CAMK2D: variants seen among roughly 807,000 people sequenced by gnomAD.
CAMK2D encodes the protein calcium/calmodulin dependent protein kinase II delta.
In CAMK2D, 37 loss-of-function variants were observed where a neutral mutation model predicts 84.0. That is an observed-to-expected ratio of 0.44 (90% CI 0.34 to 0.58). The LOEUF (loss-of-function observed/expected upper bound fraction) is 0.58. Ranked by LOEUF, CAMK2D falls within the 20% of genes least tolerant of loss-of-function variation. The pLI is 0.02. For synonymous variants in CAMK2D, 202 were observed against 212.5 expected, an observed-to-expected ratio of 0.95 and a Z score of 0.43; for missense variants, 448 against 652.5, an observed-to-expected ratio of 0.69 and a Z score of 3.41.
chr4:113,484,542 A>T (rs959423837), intron 16 of CAMK2D, among the ~76,000 whole-genome samples: 1 of 152,190 alleles, frequency 6.6e-6, no homozygotes, highest in Non-Finnish European at 1.5e-5. Context: ...GATTTTTTAA[A>T]AAAGCCCTAA....
chr4:113,506,457 T>C (rs1288408220), intron 13 of CAMK2D, among the ~76,000 whole-genome samples: 1 of 152,198 alleles, frequency 6.6e-6, no homozygotes, highest in African/African-American at 2.4e-5. Flanking sequence ...AAAACCTTTT[T>C]TTTCCTTTAA....
intron 2 of CAMK2D, among the ~76,000 whole-genome samples, chr4:113,701,858 C>T (rs768653856): frequency 1.1e-4 from 17 of 152,182 alleles, no homozygotes; most frequent in East Asian, 1.9e-4. Flanking sequence ...CACAGGCATG[C>T]GCCATGATGC....
intron 4 of CAMK2D, among the ~76,000 whole-genome samples, chr4:113,554,258 G>C (rs1446267079): frequency 1.3e-5 from 2 of 152,008 alleles, no homozygotes; most frequent in Non-Finnish European, 2.9e-5. Flanking sequence ...AACCCAGTTA[G>C]AGAATCATGC....
intron 2 of CAMK2D, among the ~76,000 whole-genome samples, chr4:113,725,979 A>G (rs1425528407): frequency 6.6e-6 from 1 of 152,216 alleles, no homozygotes; most frequent in Non-Finnish European, 1.5e-5. Context: ...ATGGTCAACA[A>G]CAGCATTCTA....
intron 8 of CAMK2D, among the ~76,000 whole-genome samples, chr4:113,520,586 A>G (rs1419023130): frequency 1.3e-5 from 2 of 152,090 alleles, no homozygotes; most frequent in South Asian, 2.1e-4. Context: ...CCATATACCT[A>G]AAGTACTAAA....
chr4:113,748,571 A>G (rs1010057738), intron 2 of CAMK2D, among the ~76,000 whole-genome samples: 1 of 152,152 alleles, frequency 6.6e-6, no homozygotes, highest in African/African-American at 2.4e-5. Flanking sequence ...AATACTAGGA[A>G]TACCAAAATA....
At chr4:113,535,334 C>T (rs535377717) in intron 7 of CAMK2D, among the ~76,000 whole-genome samples, 1 of 152,232 alleles carries the variant, frequency 6.6e-6, no homozygotes, top group Admixed American at 6.5e-5. Context: ...TTATTTGGAA[C>T]TTGCTTGCTC....
intron 2 of CAMK2D, among the ~76,000 whole-genome samples, chr4:113,691,321 C>T (rs983854279): frequency 1.3e-5 from 2 of 152,194 alleles, no homozygotes; most frequent in East Asian, 3.8e-4. Context: ...CTTTAGATTA[C>T]AGCTATCTGT....
At chr4:113,519,648 A>G (rs764121056) in intron 8 of CAMK2D, among the ~76,000 whole-genome samples, 6 of 152,098 alleles carry the variant, frequency 3.9e-5, no homozygotes, top group Admixed American at 6.6e-5. Context: ...AACCTTTCTG[A>G]GTTATGCTAT....
chr4:113,518,061 C>G (rs1417913618), intron 8 of CAMK2D, among the ~76,000 whole-genome samples: 1 of 152,178 alleles, frequency 6.6e-6, no homozygotes, highest in African/African-American at 2.4e-5. Flanking sequence ...TTTCCTCATA[C>G]TTGTTTTGAT....
chr4:113,726,985 G>T lies in CAMK2D; in HGVS notation c.160+32335C>A, dbSNP rs532305094. ...CCAAACGCATATTTTCTTAGAATTG[G>T]TGTTTAAATAGACTTTAAAAGAGAG... On this transcript the variant is annotated intron_variant, in intron 2 of 20. Coordinates refer to ENST00000511664, the MANE Select transcript of CAMK2D (RefSeq NM_001321571.2). 6.6e-5 allele frequency among the ~76,000 whole-genome samples: 10 copies of T among 152,288 alleles called. 2 individuals carry two copies. Among genetic ancestry groups the T allele is most frequent in the African/African-American group, 2.4e-4 (10 of 41,554 alleles).
intron 4 of CAMK2D, among the ~76,000 whole-genome samples, chr4:113,555,832 G>C (rs1319916105): frequency 6.6e-6 from 1 of 152,152 alleles, no homozygotes; most frequent in African/African-American, 2.4e-5. Flanking sequence ...GCTGATATTA[G>C]GAGGTGGGGC....
rs188137614 is a variant in CAMK2D at position 113,641,542 on chromosome 4, G to A, written c.220+20171C>T. 1.2e-4 allele frequency among the ~76,000 whole-genome samples: 19 copies of A among 152,266 alleles called. No homozygotes were observed. In the East Asian group the frequency reaches 3.7e-3, roughly 29 times the overall value. On this transcript the variant is annotated intron_variant, in intron 3 of 20. Transcript: ENST00000511664. The stretch of plus-strand genomic sequence containing the variant: ...AGATTTCATTCTCTAGACCTGTTAC[G>A]AAAGTGATAAAGAGGACAGGGAGCC...
intron 3 of CAMK2D, among the ~76,000 whole-genome samples, chr4:113,623,003 T>C (rs2099052680): frequency 6.6e-6 from 1 of 152,116 alleles, no homozygotes; most frequent in South Asian, 2.1e-4. Flanking sequence ...TCCATGAGCA[T>C]AAGGATACGT....
At chr4:113,723,412 C>T (rs79666054) in intron 2 of CAMK2D, among the ~76,000 whole-genome samples, 14,193 of 151,812 alleles carry the variant, frequency 0.093, 1,008 homozygotes, top group African/African-American at 0.2. Flanking sequence ...TTAGTAGATA[C>T]GGGGTTTCAT....
At chr4:113,707,730 G>A (rs1338930596) in intron 2 of CAMK2D, among the ~76,000 whole-genome samples, 1 of 152,188 alleles carries the variant, frequency 6.6e-6, no homozygotes, top group East Asian at 1.9e-4. Flanking sequence ...GGGGGCAATA[G>A]AACGAAAATT....
chr4:113,653,602 T>C (rs2099185587), intron 3 of CAMK2D, among the ~76,000 whole-genome samples: 1 of 152,070 alleles, frequency 6.6e-6, no homozygotes, highest in Non-Finnish European at 1.5e-5. Context: ...AAAAGACTTT[T>C]AATTGTCATT....
chr4:113,545,286 C>A (rs1255402742), intron 6 of CAMK2D, among the ~76,000 whole-genome samples: 4 of 152,104 alleles, frequency 2.6e-5, no homozygotes, highest in Admixed American at 2.6e-4. Context: ...CACTTATATC[C>A]TTATAGGTGC....
At chr4:113,565,511 C>T (rs762019780) in intron 4 of CAMK2D, among the ~76,000 whole-genome samples, 4 of 151,816 alleles carry the variant, frequency 2.6e-5, no homozygotes, top group African/African-American at 4.8e-5. Flanking sequence ...ATCAGCTGGG[C>T]GTGGTGGTGC....
Sources: allele counts gnomAD v4.1 joint callset (sites outside exome capture counted in the v4.1 genomes callset), GRCh38; gene constraint gnomAD v4.1.1; transcripts MANE v1.5; gene names NCBI Gene and HGNC (gene_info 2026-07-23, HGNC 2026-07-21).